The following FAM114A2 variants were observed in gnomAD, a reference collection of about 807,000 sequenced individuals.
The protein encoded by FAM114A2 is family with sequence similarity 114 member A2.
In FAM114A2, 53 loss-of-function variants were observed where a neutral mutation model predicts 58.4. The ratio of observed to expected loss-of-function variants is 0.91; its 90% CI spans 0.73 to 1.14. The LOEUF is 1.14. Among genes scored for constraint, FAM114A2 ranks in the 50% most tolerant of loss-of-function variants. The pLI is 0.00. For synonymous variants in FAM114A2, 228 were observed against 211.4 expected, an observed-to-expected ratio of 1.08 and a Z score of -0.68; for missense variants, 601 against 581.1, an observed-to-expected ratio of 1.03 and a Z score of -0.35.
chr5:153,990,931 T>G lies in FAM114A2; in HGVS notation c.*2045A>C, dbSNP rs1342754440. ...CAAAGTGATCCCTGAATTTACCTAC[T>G]CATCTGTCATGAATGTTTATGTTTC... On this transcript the variant is annotated 3_prime_UTR_variant, in exon 14 of 14. Transcript: ENST00000351797. 6.6e-6 allele frequency: 1 copy of G among 152,218 alleles called. No individual in the cohort carries two copies. The highest frequency in any genetic ancestry group is 1.9e-4 in the East Asian group (1 of 5,204). 9.4% of individuals were successfully genotyped at this position (152,218 alleles called of 1,614,324 possible).
intron 8 of FAM114A2, among the ~76,000 whole-genome samples, chr5:154,016,104 A>G (rs1214453229): frequency 6.6e-6 from 1 of 152,164 alleles, no homozygotes; most frequent in African/African-American, 2.4e-5. Context: ...CAAAGCATCC[A>G]AGAAGTCTGG....
chr5:154,011,809 C>CA (rs1189553229), intron 8 of FAM114A2, among the ~76,000 whole-genome samples: 3 of 152,096 alleles, frequency 2.0e-5, no homozygotes, highest in African/African-American at 7.2e-5. Context: ...GGAAGAGTTT[C>CA]AGGCAGAGAA....
chr5:154,025,060 T>C (rs1771685463), intron 8 of FAM114A2, among the ~76,000 whole-genome samples: 2 of 152,166 alleles, frequency 1.3e-5, no homozygotes, highest in Non-Finnish European at 2.9e-5. Flanking sequence ...AATTATCCTA[T>C]TCTGAATAGT....
chr5:154,026,316 A>G, intron 8 of FAM114A2, 83 bp downstream of exon 8: 1 of 1,041,920 alleles, frequency 9.6e-7, no homozygotes, highest in African/African-American at 1.7e-5. Flanking sequence ...GTGTAATAAG[A>G]GTAAATAATT....
rs753391577 is a variant in FAM114A2 at position 154,015,279 on chromosome 5, T to C, written c.914-3959A>G. Among the ~76,000 whole-genome samples the C allele has an allele frequency of 3.3e-5, 5 of 152,294 alleles. No individual in the cohort carries two copies. The East Asian group carries it at 9.7e-4, about 29-fold the overall frequency. On this transcript the variant is annotated intron_variant, in intron 8 of 13. Transcript: ENST00000351797. The stretch of plus-strand genomic sequence containing the variant: ...TTCCTCTCCATACTACCACAGCTGA[T>C]GCTTTCTTGAAAGTGCCACCTCCTG...
intron 5 of FAM114A2, among the ~76,000 whole-genome samples, 196 bp from the exon 6 acceptor site, chr5:154,028,479 A>T (rs1771956106): frequency 6.6e-6 from 1 of 152,226 alleles, no homozygotes; most frequent in Non-Finnish European, 1.5e-5. Context: ...GTTTGTCAAT[A>T]TCTACTCCAG....
At chr5:154,021,121 A>T (rs1220137466) in intron 8 of FAM114A2, among the ~76,000 whole-genome samples, 1 of 152,228 alleles carries the variant, frequency 6.6e-6, no homozygotes, top group Non-Finnish European at 1.5e-5. Context: ...AACTCTCAAT[A>T]AACTAGGTAT....
At chr5:153,995,069 T>C in intron 12 of FAM114A2, 97 bp from the exon 13 acceptor site, 1 of 746,876 alleles carries the variant, frequency 1.3e-6, no homozygotes, top group Non-Finnish European at 2.4e-6. Context: ...CACCCATACA[T>C]AAATATTAAA....
intron 13 of FAM114A2, 81 bp downstream of exon 13, chr5:153,994,838 A>G: frequency 1.1e-6 from 1 of 896,286 alleles, no homozygotes; most frequent in Admixed American, 2.0e-5. Flanking sequence ...AATAAAATAA[A>G]AAAGCCAAAA....
At chr5:154,021,698 A>G (rs1028402056) in intron 8 of FAM114A2, among the ~76,000 whole-genome samples, 10 of 152,224 alleles carry the variant, frequency 6.6e-5, no homozygotes, top group African/African-American at 2.2e-4. Context: ...GGAAGAATCA[A>G]TATCGTGAAA....
chr5:154,010,910 C>T (rs1770648475), intron 9 of FAM114A2, among the ~76,000 whole-genome samples: 1 of 152,144 alleles, frequency 6.6e-6, no homozygotes. Context: ...AGTGAGTCCT[C>T]GACAGAGGCT....
chr5:154,030,867 G>A (rs1561575734), intron 4 of FAM114A2, among the ~76,000 whole-genome samples: 1 of 152,176 alleles, frequency 6.6e-6, no homozygotes, highest in Non-Finnish European at 1.5e-5. Flanking sequence ...TAGGCTGAGA[G>A]ACATTTGACC....
intron 4 of FAM114A2, among the ~76,000 whole-genome samples, chr5:154,032,115 A>C (rs1772244958): frequency 6.6e-6 from 1 of 152,218 alleles, no homozygotes; most frequent in South Asian, 2.1e-4. Context: ...ATTCAAAAGA[A>C]GGCAACCACT....
intron 8 of FAM114A2, among the ~76,000 whole-genome samples, chr5:154,023,444 A>AT (rs1490906377): frequency 2.0e-5 from 3 of 152,220 alleles, no homozygotes; most frequent in African/African-American, 7.2e-5. Context: ...CTACTCAGCC[A>AT]TAAAAACGAA....
intron 8 of FAM114A2, among the ~76,000 whole-genome samples, chr5:154,011,685 C>G (rs1770709041): frequency 6.6e-6 from 1 of 152,130 alleles, no homozygotes; most frequent in Non-Finnish European, 1.5e-5. Flanking sequence ...ATATCCAGAG[C>G]AAGAATATAG....
chr5:154,003,177 G>GCTTTTTTTTTTTTTTTTTTTTT lies in FAM114A2; in HGVS notation c.994-209_994-208insAAAAAAAAAAAAAAAAAAAAAG, dbSNP rs369892098. On this transcript the variant is annotated intron_variant, in intron 9 of 13. Transcript: ENST00000351797. The stretch of plus-strand genomic sequence containing the variant: ...CCTTTTCAAAATTCTCTAATTGGTA[G>GCTTTTTTTTTTTTTTTTTTTTT]TATTTTTTTTTTTTTTTTGAGATGG... Among the ~76,000 whole-genome samples, 5 of 134,882 alleles carry GCTTTTTTTTTTTTTTTTTTTTT rather than the reference G, an allele frequency of 3.7e-5. 1 individual carries two copies. The highest frequency in any genetic ancestry group is 8.2e-5 in the African/African-American group (3 of 36,660). 88.5% of individuals were successfully genotyped at this position (134,882 alleles called of 152,430 possible).
At chr5:154,011,044 T>C (rs1770662360) in intron 9 of FAM114A2, among the ~76,000 whole-genome samples, 197 bp downstream of exon 9, 1 of 152,086 alleles carries the variant, frequency 6.6e-6, no homozygotes, top group African/African-American at 2.4e-5. Flanking sequence ...GGGACACGTG[T>C]TGTGGGGCAG....
intron 8 of FAM114A2, among the ~76,000 whole-genome samples, chr5:154,014,459 G>C (rs1269796740): frequency 6.6e-6 from 1 of 152,126 alleles, no homozygotes; most frequent in Non-Finnish European, 1.5e-5. Flanking sequence ...GGACCCGGGA[G>C]ACATCTCAAA....
At chr5:154,003,679 A>C (rs1770160819) in intron 9 of FAM114A2, among the ~76,000 whole-genome samples, 1 of 152,102 alleles carries the variant, frequency 6.6e-6, no homozygotes, top group Admixed American at 6.5e-5. Flanking sequence ...CTCCTGCCCA[A>C]AGACAAACCC....
Sources: gnomAD v4.1 joint callset for allele counts (sites outside exome capture counted in the v4.1 genomes callset) on GRCh38, gnomAD v4.1.1 for gene constraint, MANE v1.5 for transcripts, NCBI Gene and HGNC (gene_info 2026-07-23, HGNC 2026-07-21) for gene names.